TMEM131: variants seen among roughly 807,000 people sequenced by gnomAD.
TMEM131 encodes the protein transmembrane protein 131, also known as 2610524E03Rik.
A neutral mutation model predicts 211.6 loss-of-function variants in TMEM131; 66 were observed. That is an observed-to-expected ratio of 0.31 (90% CI 0.26 to 0.38). The LOEUF is 0.38. Ranked by LOEUF, TMEM131 falls within the 10% of genes least tolerant of loss-of-function variation. The pLI is 1.00. For missense variants in TMEM131, 2,036 were observed against 2,299.3 expected (o/e 0.89, Z 2.34); for synonymous variants, 844 against 841.3 (o/e 1.00, Z -0.06).
chr2:97,956,088 A>G (rs996791128), intron 1 of TMEM131, among the ~76,000 whole-genome samples: 1 of 152,212 alleles, frequency 6.6e-6, no homozygotes, highest in Non-Finnish European at 1.5e-5. Context: ...AAGGTAGAGT[A>G]AGAGTAAGGG....
At chr2:97,778,990 T>C (rs146925718) in intron 31 of TMEM131, among the ~76,000 whole-genome samples, 71 of 152,298 alleles carry the variant, frequency 4.7e-4, no homozygotes, top group Non-Finnish European at 7.8e-4. Context: ...CTCAAGTTTG[T>C]GATTATGGTT....
At chr2:97,957,415 A>AT (rs1678621307) in intron 1 of TMEM131, among the ~76,000 whole-genome samples, 1 of 152,126 alleles carries the variant, frequency 6.6e-6, no homozygotes, top group Non-Finnish European at 1.5e-5. Flanking sequence ...TATATATTTT[A>AT]TTTTTCCCCC....
intron 5 of TMEM131, among the ~76,000 whole-genome samples, chr2:97,846,536 CAA>C (rs1683438545): frequency 6.6e-6 from 1 of 152,144 alleles, no homozygotes; most frequent in African/African-American, 2.4e-5. Flanking sequence ...AGAACTCCCT[CAA>C]TATTATAAAG....
At chr2:97,881,315 T>C (rs985684006) in intron 4 of TMEM131, among the ~76,000 whole-genome samples, 2 of 151,776 alleles carry the variant, frequency 1.3e-5, no homozygotes, top group Middle Eastern at 3.4e-3. Flanking sequence ...CTCAGCTCAC[T>C]GCAACCTCTG....
chr2:97,938,329 G>A (rs1190973589), intron 1 of TMEM131, among the ~76,000 whole-genome samples: 1 of 152,084 alleles, frequency 6.6e-6, no homozygotes, highest in Non-Finnish European at 1.5e-5. Flanking sequence ...AAGGGGTGGA[G>A]GAAAATCTGC....
At chr2:97,773,656 T>TG (rs991737054) in intron 32 of TMEM131, among the ~76,000 whole-genome samples, 1 of 149,808 alleles carries the variant, frequency 6.7e-6, no homozygotes, top group African/African-American at 2.4e-5. Flanking sequence ...TATGTGTGGT[T>TG]TTTTTTTTTT....
chr2:97,841,293 A>G (rs1170853423), intron 7 of TMEM131, among the ~76,000 whole-genome samples: 1 of 152,244 alleles, frequency 6.6e-6, no homozygotes, highest in Admixed American at 6.5e-5. Context: ...CTCACACTTG[A>G]AAACAATTAC....
At chr2:97,757,450 A>G in intron 40 of TMEM131, 67 bp from the exon 41 acceptor site, 1 of 1,498,648 alleles carries the variant, frequency 6.7e-7, no homozygotes, top group Non-Finnish European at 8.9e-7. Flanking sequence ...GTAAGGGGGT[A>G]AGGCTACAGA....
At position 97,805,122 on chromosome 2, in the gene TMEM131, C is replaced by A; in HGVS notation, c.2368G>T (p.Gly790Ter). Residue 790 changes from glycine (G) to a stop codon, truncating the protein, a stop_gained, in exon 22 of 41, where the codon GGA becomes TGA. Coordinates refer to ENST00000186436, the MANE Select transcript of TMEM131 (RefSeq NM_015348.2). LOFTEE classifies it high-confidence loss of function. ...DWDLHQSLFK[G>*]WTGIKENSGH... ...GAATTTTCCTTTATTCCTGTCCATCCCTTGAACAGGCTTTGATGCAAATCC... is the reference window on the plus strand; with the variant it reads ...GAATTTTCCTTTATTCCTGTCCATCACTTGAACAGGCTTTGATGCAAATCC... 6.2e-7 allele frequency: 1 copy of A among 1,613,628 alleles called. No individual in the cohort carries two copies. The highest frequency in any genetic ancestry group is 8.5e-7 in the Non-Finnish European group (1 of 1,179,742).
At chr2:97,942,614 T>G (rs182806728) in intron 1 of TMEM131, among the ~76,000 whole-genome samples, 39 of 151,948 alleles carry the variant, frequency 2.6e-4, no homozygotes, top group African/African-American at 9.2e-4. Context: ...ACAAACAAAT[T>G]AGACAGCCTA....
At chr2:97,872,751 G>C (rs1240852857) in intron 4 of TMEM131, among the ~76,000 whole-genome samples, 1 of 152,236 alleles carries the variant, frequency 6.6e-6, no homozygotes, top group Non-Finnish European at 1.5e-5. Flanking sequence ...TGCAAACCAG[G>C]AGATTCCCTC....
At chr2:97,957,275 T>C (rs1391136102) in intron 1 of TMEM131, among the ~76,000 whole-genome samples, 1 of 152,146 alleles carries the variant, frequency 6.6e-6, no homozygotes, top group Non-Finnish European at 1.5e-5. Context: ...GAAACAAAAA[T>C]TTTGTTGTGC....
chr2:97,899,638 AG>A (rs1675766270), intron 3 of TMEM131, among the ~76,000 whole-genome samples: 1 of 152,180 alleles, frequency 6.6e-6, no homozygotes, highest in Admixed American at 6.6e-5. Context: ...AGGGAATGCA[AG>A]GTGGCACAGA....
chr2:97,952,630 A>G (rs1046898421), intron 1 of TMEM131, among the ~76,000 whole-genome samples: 1 of 152,202 alleles, frequency 6.6e-6, no homozygotes, highest in Non-Finnish European at 1.5e-5. Context: ...CAACCCCAGC[A>G]CTTTGGGAGG....
chr2:97,772,642 T>C (rs1446073309), intron 32 of TMEM131, among the ~76,000 whole-genome samples: 1 of 152,248 alleles, frequency 6.6e-6, no homozygotes, highest in Admixed American at 6.5e-5. Context: ...ATGCCTGTAA[T>C]CCCAGCACTC....
At chr2:97,760,539 A>T in intron 38 of TMEM131, 54 bp downstream of exon 38, 1 of 1,523,840 alleles carries the variant, frequency 6.6e-7, no homozygotes, top group Non-Finnish European at 8.9e-7. Context: ...AAAGGTGCTA[A>T]CCCGACTTGA....
intron 22 of TMEM131, among the ~76,000 whole-genome samples, chr2:97,803,272 G>A (rs1681119399): frequency 1.3e-5 from 2 of 152,218 alleles, no homozygotes; most frequent in South Asian, 4.1e-4. Flanking sequence ...CTAATGAGAA[G>A]GCAGTACATT....
At chr2:97,897,559 G>T (rs1386082284) in intron 3 of TMEM131, among the ~76,000 whole-genome samples, 2 of 152,010 alleles carry the variant, frequency 1.3e-5, no homozygotes, top group Non-Finnish European at 2.9e-5. Context: ...AAATTATATT[G>T]TTTTCAAATA....
chr2:97,946,775 A>C (rs980488651), intron 1 of TMEM131, among the ~76,000 whole-genome samples: 9 of 152,022 alleles, frequency 5.9e-5, no homozygotes, highest in Admixed American at 2.6e-4. Flanking sequence ...GTATTAAAAC[A>C]AAAAAACTAC....
Sources: allele counts gnomAD v4.1 joint callset (sites outside exome capture counted in the v4.1 genomes callset), GRCh38; gene constraint gnomAD v4.1.1; transcripts MANE v1.5; gene names NCBI Gene and HGNC (gene_info 2026-07-23, HGNC 2026-07-21).